Variants in KCNK2 observed in about 807,000 individuals in gnomAD.
KCNK2 encodes potassium channel subfamily K member 2.
A neutral mutation model predicts 40.5 loss-of-function variants in KCNK2; 21 were observed. That is an observed-to-expected ratio of 0.52 (90% CI 0.37 to 0.75). The LOEUF (loss-of-function observed/expected upper bound fraction) is 0.75, where lower values mean the gene tolerates loss of function less well. Among genes scored for constraint, KCNK2 ranks in the 30% least tolerant of loss-of-function variants. The pLI is 0.00. For synonymous variants in KCNK2, 191 were observed against 202.2 expected (o/e 0.94, Z 0.47); for missense variants, 399 against 531.6 (o/e 0.75, Z 2.45).
At chr1:215,230,519 A>G (rs910709293) in intron 6 of KCNK2, among the ~76,000 whole-genome samples, 3 of 74,894 alleles carry the variant, frequency 4.0e-5, no homozygotes, top group African/African-American at 1.7e-4. Context: ...ATATATATAT[A>G]TATATATATA....
At chr1:215,094,371 GATGTAT>G (rs1263561548) in intron 2 of KCNK2, among the ~76,000 whole-genome samples, 1 of 151,988 alleles carries the variant, frequency 6.6e-6, no homozygotes, top group Non-Finnish European at 1.5e-5. Context: ...AACCTTCTTG[GATGTAT>G]ATTAACCTAG....
At chr1:215,043,032 C>T (rs1167681000) in intron 1 of KCNK2, among the ~76,000 whole-genome samples, 1 of 152,124 alleles carries the variant, frequency 6.6e-6, no homozygotes, top group African/African-American at 2.4e-5. Flanking sequence ...TCCAGGTGCC[C>T]ATGATCATGT....
intron 1 of KCNK2, among the ~76,000 whole-genome samples, chr1:215,054,953 C>T (rs1240810042): frequency 6.6e-6 from 1 of 152,172 alleles, no homozygotes; most frequent in East Asian, 1.9e-4. Context: ...CTTGAGCACA[C>T]AACTCAAGTG....
intron 1 of KCNK2, among the ~76,000 whole-genome samples, chr1:215,063,653 G>A (rs532253038): frequency 1.3e-5 from 2 of 152,118 alleles, no homozygotes; most frequent in Admixed American, 6.5e-5. Context: ...AATATACCAC[G>A]TTAGCTACTC....
chr1:215,074,287 A>T (rs971685544), intron 1 of KCNK2, among the ~76,000 whole-genome samples: 1 of 152,240 alleles, frequency 6.6e-6, no homozygotes, highest in Non-Finnish European at 1.5e-5. Context: ...GGCTCATTTA[A>T]TCATGATGCA....
chr1:215,220,898 A>G (rs1217479927), intron 6 of KCNK2, among the ~76,000 whole-genome samples: 1 of 152,182 alleles, frequency 6.6e-6, no homozygotes, highest in East Asian at 1.9e-4. Flanking sequence ...AACAACAAAC[A>G]GATGATTACC....
chr1:215,192,260 A>T (rs1664698373), intron 5 of KCNK2, among the ~76,000 whole-genome samples: 1 of 152,144 alleles, frequency 6.6e-6, no homozygotes, highest in South Asian at 2.1e-4. Context: ...TTTCTTATAT[A>T]TAGTATTCGT....
At chr1:215,110,127 A>G (rs778831638) in intron 2 of KCNK2, among the ~76,000 whole-genome samples, 8 of 152,106 alleles carry the variant, frequency 5.3e-5, no homozygotes, top group Non-Finnish European at 8.8e-5. Flanking sequence ...TTGTTGGATG[A>G]ATAGTTTGTA....
At position 215,137,881 on chromosome 1, in the gene KCNK2, A is replaced by G. The variant is rs778386983; in HGVS notation, c.475+13131A>G. The stretch of plus-strand genomic sequence containing the variant: ...AAATAAGGTTTGTGACTCAATTTTT[A>G]TGAACTATTGGAAGACAGCTGGATA... On this transcript the variant is annotated intron_variant, in intron 3 of 6. Transcript: ENST00000444842. Among the ~76,000 whole-genome samples, 29 of 152,180 alleles carry G rather than the reference A, an allele frequency of 1.9e-4. 1 individual carries two copies. Among genetic ancestry groups the G allele is most frequent in the Non-Finnish European group, 8.8e-5 (6 of 68,026 alleles).
At chr1:215,219,201 A>G (rs1219821856) in intron 6 of KCNK2, among the ~76,000 whole-genome samples, 1 of 152,184 alleles carries the variant, frequency 6.6e-6, no homozygotes, top group Non-Finnish European at 1.5e-5. Context: ...GTGTGGCTGT[A>G]AAACGTACCT....
intron 3 of KCNK2, among the ~76,000 whole-genome samples, chr1:215,139,850 T>C (rs1037644552): frequency 3.3e-5 from 5 of 152,168 alleles, no homozygotes; most frequent in Admixed American, 1.3e-4. Context: ...TATATATAGA[T>C]TGGTCTTTTC....
chr1:215,195,912 C>G (rs1664844672), intron 6 of KCNK2, among the ~76,000 whole-genome samples: 1 of 152,042 alleles, frequency 6.6e-6, no homozygotes, highest in Non-Finnish European at 1.5e-5. Flanking sequence ...CCTATAGTAC[C>G]CATTGCCTTC....
At chr1:215,042,758 T>C (rs1256784020) in intron 1 of KCNK2, among the ~76,000 whole-genome samples, 1 of 152,198 alleles carries the variant, frequency 6.6e-6, no homozygotes, top group Non-Finnish European at 1.5e-5. Context: ...ATGTACCTAC[T>C]TTATTCTCTC....
intron 6 of KCNK2, among the ~76,000 whole-genome samples, chr1:215,205,795 A>G (rs1054876463): frequency 6.6e-6 from 1 of 152,166 alleles, no homozygotes; most frequent in Non-Finnish European, 1.5e-5. Context: ...TAACACACCA[A>G]TCATTGTTTG....
upstream of KCNK2, among the ~76,000 whole-genome samples, chr1:215,079,798 C>T (rs1476339568): frequency 6.6e-6 from 1 of 152,168 alleles, no homozygotes; most frequent in Non-Finnish European, 1.5e-5. Context: ...CTTCAAACAG[C>T]ATGAGTAAGT....
chr1:215,029,461 T>A (rs1240477076), intron 1 of KCNK2, among the ~76,000 whole-genome samples: 2 of 140,220 alleles, frequency 1.4e-5, no homozygotes, highest in Non-Finnish European at 3.1e-5. Context: ...GCTCATTTCT[T>A]CTTAGTGCTG....
At chr1:215,115,271 A>C (rs2102568656) in intron 2 of KCNK2, among the ~76,000 whole-genome samples, 1 of 152,232 alleles carries the variant, frequency 6.6e-6, no homozygotes, top group Non-Finnish European at 1.5e-5. Flanking sequence ...TTATGGAACT[A>C]TAGGCTTAAG....
In KCNK2 at chr1:215,111,825, C is replaced by T. The variant is rs114447475; in HGVS notation, c.358-12808C>T. On this transcript the variant is annotated intron_variant, in intron 2 of 6. Transcript: ENST00000444842. ...CTTGTAACTTTTATGATTGGATCTA[C>T]GCATGTGAAATAAAGAGTCACCTCT... Among the ~76,000 whole-genome samples, 1,477 of 151,378 alleles carry T rather than the reference C, an allele frequency of 9.8e-3. 23 individuals are homozygous for T. The highest frequency in any genetic ancestry group is 0.062 in the South Asian group (296 of 4,804).
At chr1:215,102,032 T>C (rs941228994) in intron 2 of KCNK2, among the ~76,000 whole-genome samples, 3 of 152,082 alleles carry the variant, frequency 2.0e-5, no homozygotes, top group Non-Finnish European at 1.5e-5. Context: ...GTATCTTGGG[T>C]GTACGTGTGA....
Sources: allele counts gnomAD v4.1 joint callset (sites outside exome capture counted in the v4.1 genomes callset), GRCh38; gene constraint gnomAD v4.1.1; transcripts MANE v1.5; gene names NCBI Gene and HGNC (gene_info 2026-07-23, HGNC 2026-07-21).